EVI5L: variants seen among roughly 807,000 people sequenced by gnomAD.
EVI5L encodes the protein EVI5-like protein.
Under a neutral mutation model 106.1 loss-of-function variants are expected in EVI5L, and 30 were observed. That is an observed-to-expected ratio of 0.28 (90% CI 0.21 to 0.38). EVI5L has a LOEUF of 0.38. EVI5L is among the 10% of genes least tolerant of loss of function. The pLI, the probability that EVI5L is intolerant of heterozygous loss-of-function variation, is 1.00. For missense variants in EVI5L, 809 were observed against 1,098.0 expected (o/e 0.74, Z 3.72); for synonymous variants, 489 against 483.3 (o/e 1.01, Z -0.15).
intron 14 of EVI5L, 91 bp from the exon 15 acceptor site, chr19:7,861,787 C>A: frequency 6.7e-7 from 1 of 1,500,150 alleles, no homozygotes; most frequent in Non-Finnish European, 9.0e-7. Context: ...AGGCAGAGCT[C>A]AGGAGGAAAC....
At position 7,836,527 on chromosome 19, in the gene EVI5L, CCTT is replaced by C. The variant is rs373337554; in HGVS notation, c.-48+6151_-48+6153del. ...TACAGTCAGAAATCCAAGTTCAAAT[CCTT>C]CTTCCTCCTCAGCCTAGTCAAGGGA... On this transcript the variant is annotated intron_variant, in intron 1 of 19. Transcript: ENST00000538904. Among the ~76,000 whole-genome samples the C allele has an allele frequency of 1.5e-4, 23 of 152,238 alleles. 1 individual carries two copies. Among genetic ancestry groups the C allele is most frequent in the African/African-American group, 5.1e-4 (21 of 41,548 alleles).
intron 1 of EVI5L, among the ~76,000 whole-genome samples, chr19:7,837,499 G>C (rs1978391324): frequency 6.6e-6 from 1 of 152,132 alleles, no homozygotes; most frequent in South Asian, 2.1e-4. Flanking sequence ...TAATGGGCCA[G>C]TATTGATATA....
chr19:7,850,979 G>A lies in EVI5L; in HGVS notation c.754-455G>A, dbSNP rs190167439. Among the ~76,000 whole-genome samples, 27 of 152,240 alleles carry A rather than the reference G, an allele frequency of 1.8e-4. No homozygotes were observed. Among genetic ancestry groups the A allele is most frequent in the Non-Finnish European group, 3.2e-4 (22 of 68,008 alleles). On this transcript the variant is annotated intron_variant, in intron 6 of 19. Coordinates refer to ENST00000538904, the MANE Select transcript of EVI5L (RefSeq NM_001159944.3). This position sits in a 1 kb window ranked among gnomAD's most constrained non-coding sequence, Gnocchi z 5.4. ...CAGCTTGCACAAAGCTTTATGCTGG[G>A]GTCCAAGGGAGGTACAGTGGCTGGC... is the stretch of plus-strand genomic sequence containing the variant.
In EVI5L at chr19:7,851,589, T is replaced by C. The variant is rs2452012; in HGVS notation, c.897+12T>C. The C allele has an allele frequency of 0.84, 1,345,076 of 1,607,752 alleles. 564,455 individuals carry two copies. The highest frequency in any genetic ancestry group is 0.88 in the South Asian group (78,692 of 89,892). On this transcript the variant is annotated intron_variant, in intron 7 of 19. Coordinates refer to ENST00000538904, the MANE Select transcript of EVI5L (RefSeq NM_001159944.3). Reference sequence around the variant, plus strand: ...TCTTCATGTATGAGGTGAGGACCGATGGTGCCTGGGGAGGGAAGAGAGCCC... The same window carrying C: ...TCTTCATGTATGAGGTGAGGACCGACGGTGCCTGGGGAGGGAAGAGAGCCC...
At chr19:7,836,716 G>A (rs913738926) in intron 1 of EVI5L, among the ~76,000 whole-genome samples, 4 of 151,468 alleles carry the variant, frequency 2.6e-5, no homozygotes, top group Admixed American at 2.0e-4. Context: ...TCAGCTCACC[G>A]CAACCTCTGC....
At chr19:7,832,954 C>T (rs975128324) in intron 1 of EVI5L, among the ~76,000 whole-genome samples, 24 of 152,126 alleles carry the variant, frequency 1.6e-4, no homozygotes, top group Non-Finnish European at 3.1e-4. Flanking sequence ...GAAAAGACTC[C>T]TGAAGGTCAC....
At chr19:7,862,873 G>A in intron 17 of EVI5L, 99 bp from the exon 18 acceptor site, 1 of 607,962 alleles carries the variant, frequency 1.6e-6, no homozygotes, top group Non-Finnish European at 2.4e-6. Context: ...GCCTCCGCCC[G>A]CGGCCCCGCC....
In EVI5L at chr19:7,857,172, C is replaced by T. The variant is rs1307291730; in HGVS notation, c.1233+48C>T. On this transcript the variant is annotated intron_variant, in intron 12 of 19. Transcript: ENST00000538904. The surrounding 1 kb of genome is among the most constrained non-coding windows in gnomAD (Gnocchi z 4.5). Reference sequence around the variant, plus strand: ...CTCCGGATTCCTTCCTGGCCCCTTCCCTGCACCCTGCACATGACAGCCAGT... The same window carrying T: ...CTCCGGATTCCTTCCTGGCCCCTTCTCTGCACCCTGCACATGACAGCCAGT... 6.5e-7 allele frequency: 1 copy of T among 1,547,638 alleles called. No individual in the cohort carries two copies. The highest frequency in any genetic ancestry group is 8.7e-7 in the Non-Finnish European group (1 of 1,144,324).
At chr19:7,843,646 G>A (rs924960490) in intron 1 of EVI5L, among the ~76,000 whole-genome samples, 2 of 142,998 alleles carry the variant, frequency 1.4e-5, no homozygotes, top group African/African-American at 2.5e-5. Flanking sequence ...TGTGTGTCGA[G>A]TGTGTGCATG....
intron 8 of EVI5L, among the ~76,000 whole-genome samples, chr19:7,852,393 C>G (rs945670424): frequency 6.6e-6 from 1 of 152,222 alleles, no homozygotes; most frequent in Non-Finnish European, 1.5e-5. Flanking sequence ...GGTGCAGGAG[C>G]TGTGTCCCCC....
In EVI5L at chr19:7,860,727, C is replaced by T. The variant is rs775788095; in HGVS notation, c.1503+38C>T. 10 of 1,535,248 alleles carry T rather than the reference C, an allele frequency of 6.5e-6. No homozygotes were observed. In the South Asian group the frequency reaches 1.2e-4, roughly 19 times the overall value. Reference sequence around the variant, plus strand: ...GGCAGACGGGCAGGTGTCGGGGGGACCCTGGGGCACAGGAGGGGTCCTGGA... The same window carrying T: ...GGCAGACGGGCAGGTGTCGGGGGGATCCTGGGGCACAGGAGGGGTCCTGGA... On this transcript the variant is annotated intron_variant, in intron 14 of 19. Transcript: ENST00000538904.
chr19:7,842,363 C>G (rs1008528042), intron 1 of EVI5L, among the ~76,000 whole-genome samples: 3 of 136,964 alleles, frequency 2.2e-5, no homozygotes, highest in African/African-American at 8.0e-5. Flanking sequence ...GAATGTGTAT[C>G]AAGTGCGTGC....
rs1979960683 is a variant in EVI5L at position 7,863,521 on chromosome 19, C to G, written c.2237C>G (p.Ser746Trp). ...TTGGACGAGGACTCGCTGCCGTCGT[C>G]GGACGAGGAGCTACTTGGCGTAGGC... is the stretch of plus-strand genomic sequence containing the variant. ...RHLDEDSLPS[S>W]DEELLGVGVG... Residue 746 changes from serine to tryptophan, a missense_variant, in exon 20 of 20, where the codon TCG (serine) becomes TGG (tryptophan). This residue lies in a region of EVI5L where 452 missense variants were observed against 509.9 expected (regional missense o/e 0.89). Coordinates refer to ENST00000538904, the MANE Select transcript of EVI5L (RefSeq NM_001159944.3). The surrounding 1 kb of genome is among the most constrained non-coding windows in gnomAD (Gnocchi z 7.7). 6.3e-7 allele frequency: 1 copy of G among 1,595,392 alleles called. No individual in the cohort carries two copies. The highest frequency in any genetic ancestry group is 8.5e-7 in the Non-Finnish European group (1 of 1,172,014).
chr19:7,857,349 G>A lies in EVI5L; in HGVS notation c.1233+225G>A. On this transcript the variant is annotated intron_variant, in intron 12 of 19. Coordinates refer to ENST00000538904, the MANE Select transcript of EVI5L (RefSeq NM_001159944.3). This position sits in a 1 kb window ranked among gnomAD's most constrained non-coding sequence, Gnocchi z 4.5. ...TGTGGAGGGGCTGTGAGTGCGTTTG[G>A]GTGTGAATGTCCACATGCATGTACA... The A allele has an allele frequency of 1.6e-6, 1 of 624,414 alleles. No homozygotes were observed. The highest frequency in any genetic ancestry group is 2.8e-6 in the Non-Finnish European group (1 of 352,784). The allele number at this position is 624,414 out of a possible 1,614,324, so 38.7% of individuals were successfully genotyped here.
chr19:7,847,630 T>A lies in EVI5L; in HGVS notation c.138-102T>A, dbSNP rs551554016. ...AGAACAAGAGGGACCTAATCCCTGGTGTCCTCTAAGACCCCCAGGAGGGGG... is the reference window on the plus strand; with the variant it reads ...AGAACAAGAGGGACCTAATCCCTGGAGTCCTCTAAGACCCCCAGGAGGGGG... On this transcript the variant is annotated intron_variant, in intron 2 of 19. Coordinates refer to ENST00000538904, the MANE Select transcript of EVI5L (RefSeq NM_001159944.3). 653 of 1,153,466 alleles carry A rather than the reference T, an allele frequency of 5.7e-4. 1 individual carries two copies. The highest frequency in any genetic ancestry group is 7.7e-4 in the Non-Finnish European group (627 of 811,068). 71.5% of individuals were successfully genotyped at this position (1,153,466 alleles called of 1,614,324 possible).
rs1042672752 is a variant in EVI5L at position 7,864,638 on chromosome 19, G to T, written c.*936G>T. ...GTTGTCTCTGCTGAATCAGAGCTGA[G>T]AACGGTGCCAAAATCCAACGATGCC... On this transcript the variant is annotated 3_prime_UTR_variant, in exon 20 of 20. Coordinates refer to ENST00000538904, the MANE Select transcript of EVI5L (RefSeq NM_001159944.3). This position sits in a 1 kb window ranked among gnomAD's most constrained non-coding sequence, Gnocchi z 4.5. 2.6e-5 allele frequency: 4 copies of T among 152,276 alleles called. No individual in the cohort carries two copies. Among genetic ancestry groups the T allele is most frequent in the Admixed American group, 2.0e-4 (3 of 15,274 alleles). 9.4% of individuals were successfully genotyped at this position (152,276 alleles called of 1,614,324 possible). A position where few individuals can be genotyped will look rare whatever the true frequency, so the allele number is the denominator to read the frequency against.
chr19:7,855,778 A>G (rs1322287354), intron 10 of EVI5L, among the ~76,000 whole-genome samples: 3 of 152,180 alleles, frequency 2.0e-5, no homozygotes, highest in Non-Finnish European at 4.4e-5. Context: ...CACTGACGTT[A>G]TTTTTACTGA....
chr19:7,837,543 T>G (rs2146412668), intron 1 of EVI5L, among the ~76,000 whole-genome samples: 1 of 152,202 alleles, frequency 6.6e-6, no homozygotes, highest in Non-Finnish European at 1.5e-5. Context: ...TTCATTCAGA[T>G]TTCCTTTGTT....
chr19:7,851,131 C>T (rs1979229909), intron 6 of EVI5L, among the ~76,000 whole-genome samples: 1 of 152,170 alleles, frequency 6.6e-6, no homozygotes, highest in Non-Finnish European at 1.5e-5. Flanking sequence ...CAGACACACC[C>T]TCTCAGGCTG....
Sources: allele counts gnomAD v4.1 joint callset (sites outside exome capture counted in the v4.1 genomes callset), GRCh38; gene constraint gnomAD v4.1.1; regional missense constraint gnomAD v4.1.1; non-coding constraint Gnocchi (gnomAD v3.1); transcripts MANE v1.5; gene names NCBI Gene and HGNC (gene_info 2026-07-23, HGNC 2026-07-21).